The following ADAMTSL3 variants were observed in gnomAD, a reference collection of about 807,000 sequenced individuals.
ADAMTSL3 encodes the protein ADAMTS-like protein 3.
In ADAMTSL3, 128 loss-of-function variants were observed where a neutral mutation model predicts 201.7. The observed-to-expected ratio is 0.63, with a 90% CI of 0.55 to 0.73. The LOEUF (loss-of-function observed/expected upper bound fraction) is 0.73. ADAMTSL3 is among the 30% of genes least tolerant of loss of function. ADAMTSL3 has a pLI of 0.00. For synonymous variants in ADAMTSL3, 738 were observed against 748.4 expected, an observed-to-expected ratio of 0.99 and a Z score of 0.23; for missense variants, 1,990 against 2,119.6, an observed-to-expected ratio of 0.94 and a Z score of 1.20.
At chr15:83,934,343 T>C (rs2066422016) in intron 17 of ADAMTSL3, among the ~76,000 whole-genome samples, 1 of 152,236 alleles carries the variant, frequency 6.6e-6, no homozygotes, top group Non-Finnish European at 1.5e-5. Context: ...ATGGGCCCTG[T>C]AGCCCCTTCA....
Position 83,970,527 on chromosome 15 carries a change from T to C in ADAMTSL3, c.2534T>C (p.Val845Ala), listed in dbSNP as rs2067177171. The C allele has an allele frequency of 3.1e-6, 5 of 1,614,162 alleles. No individual in the cohort carries two copies. In the South Asian group the frequency reaches 3.3e-5, roughly 11 times the overall value. Residue 845 changes from valine to alanine, a missense_variant, in exon 20 of 30, where the codon GTG becomes GCG. By Grantham distance (64) the Val-to-Ala change is moderately conservative (BLOSUM62 0). Coordinates refer to ENST00000286744, the MANE Select transcript of ADAMTSL3 (RefSeq NM_207517.3). ...GTTGGAATCCAGAGAAGAAAGCAGG[T>C]GTGTCAAAGGCTGGCAGCCAAAGGT... ...CGVGIQRRKQ[V>A]CQRLAAKGRR...
At chr15:84,012,115 A>T (rs905753151) in intron 23 of ADAMTSL3, among the ~76,000 whole-genome samples, 9 of 152,310 alleles carry the variant, frequency 5.9e-5, no homozygotes, top group Admixed American at 5.9e-4. Context: ...TTTAAAACAA[A>T]TCTCTCGGTG....
At chr15:83,676,694 A>ACAAAAT (rs1273180391) in intron 2 of ADAMTSL3, among the ~76,000 whole-genome samples, 1 of 152,176 alleles carries the variant, frequency 6.6e-6, no homozygotes, top group Non-Finnish European at 1.5e-5. Context: ...AACAACAATA[A>ACAAAAT]CAAAATCCTA....
At chr15:83,714,761 C>CCCTTTCTTTCTTTCTTTCTTTCTT (rs2061979364) in intron 3 of ADAMTSL3, among the ~76,000 whole-genome samples, 2 of 41,454 alleles carry the variant, frequency 4.8e-5, no homozygotes, top group South Asian at 9.7e-4. Flanking sequence ...CTTCCCTTTT[C>CCCTTTCTTTCTTTCTTTCTTTCTT]TCTTTCTTTC....
At chr15:83,891,406 T>C (rs1475534327) in intron 12 of ADAMTSL3, 27 bp downstream of exon 12, 3 of 1,602,894 alleles carry the variant, frequency 1.9e-6, no homozygotes, top group African/African-American at 2.7e-5. Flanking sequence ...CTTTTCCTTT[T>C]TGCAATTTAA....
chr15:83,888,581 G>A (rs912074205), intron 10 of ADAMTSL3, among the ~76,000 whole-genome samples: 1 of 152,164 alleles, frequency 6.6e-6, no homozygotes, highest in Non-Finnish European at 1.5e-5. Flanking sequence ...AAGAAAATTA[G>A]TTCATCGGTC....
intron 25 of ADAMTSL3, among the ~76,000 whole-genome samples, chr15:84,019,616 G>C (rs1265766369): frequency 6.6e-6 from 1 of 151,942 alleles, no homozygotes; most frequent in Admixed American, 6.6e-5. Context: ...ACCAAAGGCC[G>C]GGCGCAGTGG....
Position 83,704,371 on chromosome 15 carries a change from A to C in ADAMTSL3, c.70-18A>C. ...CTTACTGGAGCCTTATTTGTGACCA[A>C]ATGATCTTGTTTTTCAGACCACAGC... On this transcript the variant is annotated intron_variant, in intron 2 of 29. Transcript: ENST00000286744. The C allele has an allele frequency of 6.2e-7, 1 of 1,614,040 alleles. No individual in the cohort carries two copies. The highest frequency in any genetic ancestry group is 8.5e-7 in the Non-Finnish European group (1 of 1,179,990).
chr15:83,843,470 C>G (rs977794860), intron 7 of ADAMTSL3, among the ~76,000 whole-genome samples: 2 of 152,194 alleles, frequency 1.3e-5, no homozygotes, highest in African/African-American at 2.4e-5. Context: ...ATGGCCCCAT[C>G]ATGTTTGTTA....
At position 83,942,890 on chromosome 15, in the gene ADAMTSL3, C is replaced by G. The variant is rs772607022; in HGVS notation, c.2311-13C>G. 1 of 1,610,022 alleles carries G rather than the reference C, an allele frequency of 6.2e-7. No homozygotes were observed. Among genetic ancestry groups the G allele is most frequent in the Non-Finnish European group, 8.5e-7 (1 of 1,177,998 alleles). ...GGCCAAGCCTGCCGCCTCACCCCCTCTTGTCTTCTTAGTGTTCCAGGACTT... is the reference window on the plus strand; with the variant it reads ...GGCCAAGCCTGCCGCCTCACCCCCTGTTGTCTTCTTAGTGTTCCAGGACTT... On this transcript the variant is annotated splice_polypyrimidine_tract_variant and intron_variant, in intron 18 of 29. Coordinates refer to ENST00000286744, the MANE Select transcript of ADAMTSL3 (RefSeq NM_207517.3).
At chr15:83,826,321 C>G (rs1188836990) in intron 6 of ADAMTSL3, among the ~76,000 whole-genome samples, 3 of 151,916 alleles carry the variant, frequency 2.0e-5, no homozygotes, top group Admixed American at 2.0e-4. Context: ...TCAGGTCTCA[C>G]TATGTTGCCC....
intron 27 of ADAMTSL3, among the ~76,000 whole-genome samples, chr15:84,029,058 T>C (rs2068358034): frequency 6.6e-6 from 1 of 152,236 alleles, no homozygotes; most frequent in Non-Finnish European, 1.5e-5. Context: ...TTACTCAGTC[T>C]CAGGTATTTC....
chr15:83,686,561 G>A (rs1008572586), intron 2 of ADAMTSL3, among the ~76,000 whole-genome samples: 11 of 152,142 alleles, frequency 7.2e-5, no homozygotes, highest in Non-Finnish European at 1.5e-5. Context: ...TTGCAGTTAG[G>A]TCTTTTCACA....
chr15:83,774,598 C>T (rs1051852605), intron 4 of ADAMTSL3, among the ~76,000 whole-genome samples: 3 of 152,170 alleles, frequency 2.0e-5, no homozygotes, highest in African/African-American at 7.2e-5. Flanking sequence ...AGCATTCCCC[C>T]AGGGCGAGTT....
At chr15:83,901,997 G>T (rs2065734070) in intron 15 of ADAMTSL3, among the ~76,000 whole-genome samples, 1 of 152,164 alleles carries the variant, frequency 6.6e-6, no homozygotes, top group South Asian at 2.1e-4. Flanking sequence ...AGTCCGTCCA[G>T]TTCCCCAAAC....
intron 6 of ADAMTSL3, among the ~76,000 whole-genome samples, chr15:83,824,456 C>T (rs752785322): frequency 2.6e-5 from 4 of 152,170 alleles, no homozygotes; most frequent in African/African-American, 9.7e-5. Context: ...ACAGTTATTA[C>T]AGTCGATGAA....
intron 10 of ADAMTSL3, 105 bp downstream of exon 10, chr15:83,885,317 G>A (rs2065365072): frequency 1.2e-6 from 1 of 842,956 alleles, no homozygotes; most frequent in African/African-American, 1.7e-5. Flanking sequence ...GATTAGAGAT[G>A]TCTCATCACA....
chr15:83,746,830 C>T (rs1316873570), intron 3 of ADAMTSL3, among the ~76,000 whole-genome samples: 1 of 152,026 alleles, frequency 6.6e-6, no homozygotes, highest in Non-Finnish European at 1.5e-5. Flanking sequence ...TACCACTGCA[C>T]TCCAGCCTGA....
intron 23 of ADAMTSL3, among the ~76,000 whole-genome samples, chr15:83,999,472 A>G (rs999062360): frequency 3.9e-5 from 6 of 152,216 alleles, no homozygotes; most frequent in Admixed American, 3.3e-4. Context: ...CATTATCGCC[A>G]AATTGCCAGC....
Sources: allele counts gnomAD v4.1 joint callset (sites outside exome capture counted in the v4.1 genomes callset), GRCh38; gene constraint gnomAD v4.1.1; transcripts MANE v1.5; gene names NCBI Gene and HGNC (gene_info 2026-07-23, HGNC 2026-07-21).